The following LMAN1 variants were observed in gnomAD, a reference collection of about 807,000 sequenced individuals.
The protein encoded by LMAN1 is lectin, mannose binding 1.
A neutral mutation model predicts 67.8 loss-of-function variants in LMAN1; 32 were observed. That is an observed-to-expected ratio of 0.47 (90% CI 0.36 to 0.63). LMAN1 has a LOEUF of 0.63. LMAN1 is among the 30% of genes least tolerant of loss of function. The pLI is 0.00. For missense variants in LMAN1, 632 were observed against 628.2 expected, an observed-to-expected ratio of 1.01 and a Z score of -0.06; for synonymous variants, 235 against 219.3, an observed-to-expected ratio of 1.07 and a Z score of -0.63.
intron 8 of LMAN1, among the ~76,000 whole-genome samples, chr18:59,341,477 T>C (rs1481182644): frequency 6.6e-6 from 1 of 152,154 alleles, no homozygotes; most frequent in East Asian, 1.9e-4. Flanking sequence ...TAGCAAATTT[T>C]TGAAAATCAG....
chr18:59,337,414 T>C (rs745673874), intron 10 of LMAN1, among the ~76,000 whole-genome samples: 2 of 152,112 alleles, frequency 1.3e-5, no homozygotes, highest in Non-Finnish European at 2.9e-5. Context: ...GTGGAGAAAC[T>C]GATAAATTTT....
At chr18:59,334,650 G>GT (rs1467067447) in intron 10 of LMAN1, among the ~76,000 whole-genome samples, 1 of 152,212 alleles carries the variant, frequency 6.6e-6, no homozygotes, top group African/African-American at 2.4e-5. Flanking sequence ...AGTGAATGGT[G>GT]TATCAGAAAT....
intron 10 of LMAN1, among the ~76,000 whole-genome samples, chr18:59,337,885 A>C (rs913909810): frequency 6.6e-6 from 1 of 152,202 alleles, no homozygotes; most frequent in Non-Finnish European, 1.5e-5. Context: ...CTTGTTTGTC[A>C]AGGGTTCTAT....
intron 6 of LMAN1, among the ~76,000 whole-genome samples, chr18:59,348,051 C>T (rs1908460131): frequency 6.6e-6 from 1 of 152,188 alleles, no homozygotes. Flanking sequence ...CACCTTTTGT[C>T]TTACTTTCTT....
At position 59,329,793 on chromosome 18, in the gene LMAN1, G is replaced by A. The variant is rs1264494097; in HGVS notation, c.*1300C>T. ...ATAATTCAACAGTACTATTTTATAAGATAGTATTGTTTGGAATTCTATGGC... is the reference window on the plus strand; with the variant it reads ...ATAATTCAACAGTACTATTTTATAAAATAGTATTGTTTGGAATTCTATGGC... On this transcript the variant is annotated 3_prime_UTR_variant, in exon 13 of 13. Coordinates refer to ENST00000251047, the MANE Select transcript of LMAN1 (RefSeq NM_005570.4). 1 of 152,080 alleles carries A rather than the reference G, an allele frequency of 6.6e-6. No homozygotes were observed. Among genetic ancestry groups the A allele is most frequent in the East Asian group, 1.9e-4 (1 of 5,194 alleles). The allele number at this position is 152,080 out of a possible 1,614,324, so 9.4% of individuals were successfully genotyped here.
chr18:59,348,431 G>C (rs1005176276), intron 6 of LMAN1, among the ~76,000 whole-genome samples: 1 of 152,188 alleles, frequency 6.6e-6, no homozygotes, highest in African/African-American at 2.4e-5. Context: ...TTGGCCATAC[G>C]ATCTTCAGAA....
intron 7 of LMAN1, among the ~76,000 whole-genome samples, chr18:59,346,386 A>C (rs1908408531): frequency 6.6e-6 from 1 of 151,036 alleles, no homozygotes; most frequent in South Asian, 2.1e-4. Context: ...ATGCCCAGCT[A>C]ATTTTTTTTG....
intron 1 of LMAN1, among the ~76,000 whole-genome samples, chr18:59,357,766 G>A (rs1008618364): frequency 6.6e-6 from 1 of 151,922 alleles, no homozygotes; most frequent in Non-Finnish European, 1.5e-5. Flanking sequence ...GAAACATTTT[G>A]TTTCAAGAAC....
intron 1 of LMAN1, among the ~76,000 whole-genome samples, chr18:59,357,544 C>T (rs1449114282): frequency 6.6e-6 from 1 of 152,118 alleles, no homozygotes; most frequent in Non-Finnish European, 1.5e-5. Flanking sequence ...AATAGAGATA[C>T]CTTGATAACA....
chr18:59,355,710 C>G, intron 1 of LMAN1, 52 bp from the exon 2 acceptor site: 1 of 1,578,076 alleles, frequency 6.3e-7, no homozygotes, highest in Non-Finnish European at 8.7e-7. Context: ...AGGTAAAACT[C>G]AATGATCATT....
At chr18:59,354,390 C>T (rs879170025) in intron 4 of LMAN1, 129 bp downstream of exon 4, 1 of 653,872 alleles carries the variant, frequency 1.5e-6, no homozygotes, top group Non-Finnish European at 2.7e-6. Flanking sequence ...TACCAAGTTA[C>T]AAAATATGTC....
rs1407202336 is a variant in LMAN1 at position 59,330,969 on chromosome 18, GT to G, written c.*123del. ...GGTTTATTCTTAACTGCAAATCAAT[GT>G]TTAAACAGTTATTTTATTAAGAAAA... On this transcript the variant is annotated 3_prime_UTR_variant, in exon 13 of 13. Coordinates refer to ENST00000251047, the MANE Select transcript of LMAN1 (RefSeq NM_005570.4). 7.1e-6 allele frequency: 5 copies of G among 706,620 alleles called. No homozygotes were observed. The highest frequency in any genetic ancestry group is 1.8e-5 in the African/African-American group (1 of 54,970). 43.8% of individuals were successfully genotyped at this position (706,620 alleles called of 1,614,324 possible).
intron 10 of LMAN1, among the ~76,000 whole-genome samples, chr18:59,337,899 T>A (rs1218253965): frequency 6.6e-6 from 1 of 152,210 alleles, no homozygotes; most frequent in Non-Finnish European, 1.5e-5. Flanking sequence ...GTTCTATCGG[T>A]TGGGACAGTG....
At chr18:59,345,836 T>C (rs1908387793) in intron 8 of LMAN1, 83 bp downstream of exon 8, 3 of 1,500,156 alleles carry the variant, frequency 2.0e-6, no homozygotes, top group East Asian at 2.3e-5. Context: ...AGGGATGAGC[T>C]AGGCAACACA....
At chr18:59,358,968 A>C (rs889633321) in intron 1 of LMAN1, 63 bp downstream of exon 1, 7 of 1,520,982 alleles carry the variant, frequency 4.6e-6, no homozygotes, top group Non-Finnish European at 6.4e-6. Context: ...GCCGCGGATG[A>C]AAGGCGAAGA....
At chr18:59,332,800 G>T (rs1374856692) in intron 11 of LMAN1, among the ~76,000 whole-genome samples, 2 of 152,094 alleles carry the variant, frequency 1.3e-5, no homozygotes, top group African/African-American at 4.8e-5. Context: ...TACACTTTAA[G>T]CAATCCATGG....
At chr18:59,340,584 G>C (rs74255472) in intron 8 of LMAN1, among the ~76,000 whole-genome samples, 3 of 152,046 alleles carry the variant, frequency 2.0e-5, no homozygotes, top group Non-Finnish European at 2.9e-5. Context: ...TCCCAGACAA[G>C]CAAATGCTGG....
intron 1 of LMAN1, among the ~76,000 whole-genome samples, chr18:59,356,121 A>T (rs995959671): frequency 1.2e-4 from 19 of 152,152 alleles, no homozygotes; most frequent in African/African-American, 4.6e-4. Flanking sequence ...ATTCTCTTGG[A>T]TTCACCATAT....
chr18:59,339,030 T>G (rs1908229781), intron 8 of LMAN1, 77 bp from the exon 9 acceptor site: 1 of 1,311,120 alleles, frequency 7.6e-7, no homozygotes, highest in African/African-American at 1.4e-5. Flanking sequence ...GTGACCAAAG[T>G]GCCAACATTC....
Sources: gnomAD v4.1 joint callset for allele counts (sites outside exome capture counted in the v4.1 genomes callset) on GRCh38, gnomAD v4.1.1 for gene constraint, MANE v1.5 for transcripts, NCBI Gene and HGNC (gene_info 2026-07-23, HGNC 2026-07-21) for gene names.